Variants in FAAH2 observed in about 807,000 individuals in gnomAD.
The protein encoded by FAAH2 is fatty acid amide hydrolase 2.
Under a neutral mutation model 36.9 loss-of-function variants are expected in FAAH2, and 60 were observed. The observed-to-expected ratio is 1.63, with a 90% confidence interval of 1.32 to 2.02. The LOEUF (loss-of-function observed/expected upper bound fraction) is 2.02, where lower values mean the gene tolerates loss of function less well. Among genes scored for constraint, FAAH2 ranks in the 30% most tolerant of loss-of-function variants. The probability of loss-of-function intolerance (pLI) is 0.00; values close to 1 mark genes in which losing one functional copy is unlikely to be tolerated. For synonymous variants in FAAH2, 214 were observed against 143.8 expected (o/e 1.49, Z -3.49); for missense variants, 689 against 397.5 (o/e 1.73, Z -6.23).
the FAAH2 span, among the ~76,000 whole-genome samples, chrX:57,148,826 C>G: frequency 1.8e-5 from 2 of 111,557 alleles, no homozygotes; most frequent in African/African-American, 6.5e-5. Context: ...GAGGGCATCC[C>G]TGTCTTGTGC....
chrX:57,237,612 C>T, the FAAH2 span, among the ~76,000 whole-genome samples: 1 of 110,794 alleles, frequency 9.0e-6, no homozygotes, highest in Non-Finnish European at 1.9e-5. Context: ...AAAATTAACT[C>T]CTTTTCAATT....
In FAAH2 at chrX:57,416,343, AT is replaced by A. The variant is rs372474151; in HGVS notation, c.997-15566del. ...GTATTGATGGTCTTTACAATTTTGT[AT>A]TTTTTTTTGCAGTGGCTGGTACAGT... On this transcript the variant is annotated intron_variant, in intron 7 of 10. Coordinates refer to ENST00000374900, the MANE Select transcript of FAAH2 (RefSeq NM_174912.4). Among the ~76,000 whole-genome samples, 423 of 108,697 alleles carry A rather than the reference AT, an allele frequency of 3.9e-3. 2 individuals carry two copies. The highest frequency in any genetic ancestry group is 0.014 in the African/African-American group (406 of 29,993). 94.4% of individuals were successfully genotyped at this position (108,697 alleles called of 115,157 possible).
chrX:57,379,509 C>A (rs2054780139), intron 6 of FAAH2, among the ~76,000 whole-genome samples: 1 of 100,114 alleles, frequency 1.0e-5, no homozygotes, highest in Non-Finnish European at 2.0e-5. Context: ...ATGACTTTAA[C>A]CTCTCTCTCT....
intron 5 of FAAH2, among the ~76,000 whole-genome samples, chrX:57,351,717 A>G (rs2054003357): frequency 9.2e-6 from 1 of 108,505 alleles, no homozygotes; most frequent in Admixed American, 9.9e-5. Flanking sequence ...AATCTAGAAA[A>G]CCTATCAGAA....
the FAAH2 span, among the ~76,000 whole-genome samples, chrX:57,166,243 A>G: frequency 9.1e-6 from 1 of 110,496 alleles, no homozygotes; most frequent in Non-Finnish European, 1.9e-5. Context: ...CAATAAAACC[A>G]TACACTCCTT....
chrX:57,374,352 G>A (rs1412354358), intron 5 of FAAH2, among the ~76,000 whole-genome samples: 1 of 111,731 alleles, frequency 9.0e-6, no homozygotes, highest in Non-Finnish European at 1.9e-5. Context: ...AGGATGGGAC[G>A]TGTTTCCATT....
chrX:57,363,785 A>G (rs891670497), intron 5 of FAAH2, among the ~76,000 whole-genome samples: 1 of 111,007 alleles, frequency 9.0e-6, no homozygotes, highest in African/African-American at 3.3e-5. Context: ...GGTATGATGA[A>G]TTTTATCAAA....
intron 7 of FAAH2, among the ~76,000 whole-genome samples, chrX:57,403,732 C>T (rs997839917): frequency 2.7e-5 from 3 of 111,850 alleles, no homozygotes; most frequent in Non-Finnish European, 5.6e-5. Context: ...TATTGAATAC[C>T]CATTGTGTTT....
At chrX:57,227,990 C>T in the FAAH2 span, among the ~76,000 whole-genome samples, 1 of 111,893 alleles carries the variant, frequency 8.9e-6, no homozygotes, top group Non-Finnish European at 1.9e-5. Flanking sequence ...CTCACTCCCA[C>T]CATGCCCTCA....
At chrX:57,162,620 A>G in the FAAH2 span, among the ~76,000 whole-genome samples, 1 of 111,330 alleles carries the variant, frequency 9.0e-6, no homozygotes, top group African/African-American at 3.3e-5. Context: ...TTCATCCTCC[A>G]TTGCTGATAC....
At chrX:57,353,436 A>G (rs1182270145) in intron 5 of FAAH2, among the ~76,000 whole-genome samples, 1 of 107,686 alleles carries the variant, frequency 9.3e-6, no homozygotes, top group Admixed American at 1.0e-4. Context: ...TGTCATATAC[A>G]AAAATCAACT....
chrX:57,236,913 CA>C, the FAAH2 span, among the ~76,000 whole-genome samples: 48,606 of 109,381 alleles, frequency 0.44, 11,029 homozygotes, highest in African/African-American at 0.88. Context: ...CATGTACCAC[CA>C]AAAAAAATTA....
At chrX:57,463,488 C>T (rs2056996676) in intron 10 of FAAH2, among the ~76,000 whole-genome samples, 1 of 110,790 alleles carries the variant, frequency 9.0e-6, no homozygotes, top group Non-Finnish European at 1.9e-5. Flanking sequence ...AGAACAGAGG[C>T]CTTAGAAGTA....
chrX:57,249,122 C>T, the FAAH2 span, among the ~76,000 whole-genome samples: 1 of 111,164 alleles, frequency 9.0e-6, no homozygotes, highest in Non-Finnish European at 1.9e-5. Flanking sequence ...TAAAATTTGT[C>T]TAGATATTGA....
At chrX:57,199,312 T>C in the FAAH2 span, among the ~76,000 whole-genome samples, 1 of 111,628 alleles carries the variant, frequency 9.0e-6, no homozygotes, top group Non-Finnish European at 1.9e-5. Context: ...AATAGAATTT[T>C]CAATTTCCTT....
chrX:57,125,680 C>T, the FAAH2 span, among the ~76,000 whole-genome samples: 1 of 111,778 alleles, frequency 8.9e-6, no homozygotes, highest in Admixed American at 9.5e-5. Flanking sequence ...TTCTTTTTTA[C>T]TATATTTGTT....
the FAAH2 span, among the ~76,000 whole-genome samples, chrX:57,260,776 G>T: frequency 2.7e-5 from 3 of 110,699 alleles, no homozygotes; most frequent in Non-Finnish European, 5.7e-5. Flanking sequence ...TATATGAATG[G>T]TAAATAAGTG....
the FAAH2 span, among the ~76,000 whole-genome samples, chrX:57,152,492 G>T: frequency 2.7e-5 from 3 of 112,351 alleles, no homozygotes; most frequent in African/African-American, 9.7e-5. Flanking sequence ...CCCCAGCCTC[G>T]CTGCTGCCTT....
the FAAH2 span, among the ~76,000 whole-genome samples, chrX:57,167,326 G>A: frequency 1.8e-5 from 2 of 111,253 alleles, no homozygotes; most frequent in Admixed American, 9.6e-5. Context: ...TATGACCTTC[G>A]CAATGAATCT....
Sources: gnomAD v4.1 joint callset for allele counts (sites outside exome capture counted in the v4.1 genomes callset) on GRCh38, gnomAD v4.1.1 for gene constraint, MANE v1.5 for transcripts, NCBI Gene and HGNC (gene_info 2026-07-23, HGNC 2026-07-21) for gene names.